Variants in SCUBE1 observed in about 807,000 individuals in gnomAD.
SCUBE1 encodes the protein signal peptide, CUB and EGF-like domain-containing protein 1.
A neutral mutation model predicts 124.4 loss-of-function variants in SCUBE1; 59 were observed. That is an observed-to-expected ratio of 0.47 (90% CI 0.38 to 0.59). The LOEUF is 0.59. SCUBE1 is among the 20% of genes least tolerant of loss of function. SCUBE1 has a pLI of 0.00. For missense variants in SCUBE1, 1,150 were observed against 1,371.2 expected (o/e 0.84, Z 2.55); for synonymous variants, 545 against 550.9 (o/e 0.99, Z 0.15).
chr22:43,269,713 C>A (rs771502354), intron 4 of SCUBE1, among the ~76,000 whole-genome samples: 1 of 152,154 alleles, frequency 6.6e-6, no homozygotes, highest in Non-Finnish European at 1.5e-5. Context: ...GAGCCTGGAG[C>A]CTTGGGGGTG....
intron 2 of SCUBE1, among the ~76,000 whole-genome samples, chr22:43,323,686 T>C (rs1019954854): frequency 6.6e-6 from 1 of 152,138 alleles, no homozygotes; most frequent in African/African-American, 2.4e-5. Context: ...CCCACCTTTC[T>C]ATCCAAACAC....
Position 43,255,329 on chromosome 22 carries a change from A to G in SCUBE1, c.727+2890T>C, listed in dbSNP as rs1244095617. 6.6e-6 allele frequency among the ~76,000 whole-genome samples: 1 copy of G among 152,142 alleles called. No homozygotes were observed. The highest frequency in any genetic ancestry group is 6.5e-5 in the Admixed American group (1 of 15,276). On this transcript the variant is annotated intron_variant, in intron 6 of 21. Coordinates refer to ENST00000360835, the MANE Select transcript of SCUBE1 (RefSeq NM_173050.5). The surrounding 1 kb of genome is among the most constrained non-coding windows in gnomAD (Gnocchi z 4.7). ...CACGCAGGACTGCACACACGTGGGC[A>G]CACCCCACAACACAGACATATGCCC... is the stretch of plus-strand genomic sequence containing the variant.
rs1464922521 is a variant in SCUBE1, at chr22:43,200,070, G to A, written c.*3927C>T. On this transcript the variant is annotated 3_prime_UTR_variant, in exon 22 of 22. Transcript: ENST00000360835. Reference sequence around the variant, plus strand: ...ACGCCTGGGTCCCACCTGACTCCTGGGAAGCTGTGCGGGAGACACCCCGGT... The same window carrying A: ...ACGCCTGGGTCCCACCTGACTCCTGAGAAGCTGTGCGGGAGACACCCCGGT... 6.6e-6 allele frequency: 1 copy of A among 152,280 alleles called. No individual in the cohort carries two copies. The highest frequency in any genetic ancestry group is 6.5e-5 in the Admixed American group (1 of 15,284). 9.4% of individuals were successfully genotyped at this position (152,280 alleles called of 1,614,324 possible).
At chr22:43,245,829 A>G (rs766362144) in intron 6 of SCUBE1, among the ~76,000 whole-genome samples, 1 of 152,204 alleles carries the variant, frequency 6.6e-6, no homozygotes, top group Non-Finnish European at 1.5e-5. Flanking sequence ...AAGGCAAATT[A>G]TTGTCAGTGG....
chr22:43,218,635 T>C (rs1921944984), intron 14 of SCUBE1, among the ~76,000 whole-genome samples, 177 bp from the exon 15 acceptor site: 1 of 152,220 alleles, frequency 6.6e-6, no homozygotes, highest in Admixed American at 6.5e-5. Context: ...ATGAGGAGGC[T>C]GCGGACCTGG....
chr22:43,270,268 T>C (rs1031929956), intron 4 of SCUBE1: 5 of 152,244 alleles, frequency 3.3e-5, no homozygotes, highest in African/African-American at 1.2e-4. Flanking sequence ...GCTACTTCAT[T>C]ATGTATCTGC....
chr22:43,336,045 C>T (rs748441405), intron 2 of SCUBE1, among the ~76,000 whole-genome samples: 5 of 152,118 alleles, frequency 3.3e-5, no homozygotes, highest in Non-Finnish European at 7.4e-5. Flanking sequence ...ATGGTGAAGA[C>T]TTTGCCATCT....
rs755372104 is a variant in SCUBE1 at position 43,229,060 on chromosome 22, C to T, written c.1084+12G>A. The T allele has an allele frequency of 1.9e-5, 30 of 1,597,812 alleles. No homozygotes were observed. Among genetic ancestry groups the T allele is most frequent in the African/African-American group, 2.7e-5 (2 of 74,638 alleles). Reference sequence around the variant, plus strand: ...TCGGGGGGGAGGTGGCCCTGGCGGGCAGGCTGCAGACCTCCGCAGTGGGTT... The same window carrying T: ...TCGGGGGGGAGGTGGCCCTGGCGGGTAGGCTGCAGACCTCCGCAGTGGGTT... On this transcript the variant is annotated intron_variant, in intron 9 of 21. Coordinates refer to ENST00000360835, the MANE Select transcript of SCUBE1 (RefSeq NM_173050.5).
chr22:43,339,023 T>C (rs1601903814), intron 2 of SCUBE1, 81 bp downstream of exon 2: 1 of 1,501,850 alleles, frequency 6.7e-7, no homozygotes, highest in South Asian at 1.1e-5. Context: ...CCCCAGCTGG[T>C]GATGAATGGG....
chr22:43,267,895 T>C (rs911976567), intron 4 of SCUBE1, among the ~76,000 whole-genome samples: 4 of 152,174 alleles, frequency 2.6e-5, no homozygotes, highest in East Asian at 1.9e-4. Context: ...GAGGGCTAAG[T>C]TGAGATTTGA....
At chr22:43,303,922 G>T (rs1026738341) in intron 3 of SCUBE1, among the ~76,000 whole-genome samples, 1 of 152,168 alleles carries the variant, frequency 6.6e-6, no homozygotes, top group African/African-American at 2.4e-5. Flanking sequence ...GAGCTAAAGC[G>T]CCTTCAGTGC....
intron 11 of SCUBE1, 48 bp from the exon 12 acceptor site, chr22:43,222,790 A>G (rs1360230825): frequency 7.1e-7 from 1 of 1,418,248 alleles, no homozygotes; most frequent in East Asian, 2.4e-5. Flanking sequence ...CCTCCCTCCC[A>G]CGGCCCTCAG....
chr22:43,313,235 T>C (rs1025971774), intron 3 of SCUBE1, among the ~76,000 whole-genome samples: 1 of 152,080 alleles, frequency 6.6e-6, no homozygotes, highest in Admixed American at 6.5e-5. Context: ...GTTAATGAAA[T>C]GGAGAGAGCT....
chr22:43,342,166 C>CGGA (rs964782171), intron 1 of SCUBE1, among the ~76,000 whole-genome samples: 5 of 145,518 alleles, frequency 3.4e-5, no homozygotes, highest in Non-Finnish European at 7.4e-5. Flanking sequence ...AGCAGAGCAC[C>CGGA]GGAGGAAGCG....
Position 43,255,643 on chromosome 22 carries a change from A to G in SCUBE1, c.727+2576T>C. On this transcript the variant is annotated intron_variant, in intron 6 of 21. Transcript: ENST00000360835. This position sits in a 1 kb window ranked among gnomAD's most constrained non-coding sequence, Gnocchi z 4.7. The stretch of plus-strand genomic sequence containing the variant: ...ATGACAGCCCACTTCCCGCGGCCCA[A>G]GACAGTCAGCCTCTCGGCGTGGCGC... 7.2e-7 allele frequency: 1 copy of G among 1,381,582 alleles called. No homozygotes were observed. The allele number at this position is 1,381,582 out of a possible 1,614,324, so 85.6% of individuals were successfully genotyped here. A position where few individuals can be genotyped will look rare whatever the true frequency, so the allele number is the denominator to read the frequency against.
intron 16 of SCUBE1, chr22:43,213,424 A>C (rs537786341): frequency 6.6e-6 from 1 of 152,140 alleles, no homozygotes; most frequent in African/African-American, 2.4e-5. Flanking sequence ...CCCCACCCTC[A>C]CAGGCACTGT....
intron 7 of SCUBE1, among the ~76,000 whole-genome samples, chr22:43,233,261 A>G (rs1308493214): frequency 1.3e-5 from 2 of 152,110 alleles, no homozygotes; most frequent in Non-Finnish European, 2.9e-5. Flanking sequence ...CTACCCGGGA[A>G]GCTGAGGCAG....
intron 7 of SCUBE1, among the ~76,000 whole-genome samples, chr22:43,237,412 G>A (rs931177188): frequency 6.6e-6 from 1 of 152,208 alleles, no homozygotes; most frequent in South Asian, 2.1e-4. Context: ...GCAAATGCTG[G>A]CAGGCTGTGC....
At position 43,198,259 on chromosome 22, in the gene SCUBE1, A is replaced by G; in HGVS notation, c.*5738T>C. On this transcript the variant is annotated 3_prime_UTR_variant, in exon 22 of 22. Coordinates refer to ENST00000360835, the MANE Select transcript of SCUBE1 (RefSeq NM_173050.5). ...TCCTGTTGGGGCTTGGGGGGTGCAGACAATTCCAGGGGGCTCACTCAGGGG... is the reference window on the plus strand; with the variant it reads ...TCCTGTTGGGGCTTGGGGGGTGCAGGCAATTCCAGGGGGCTCACTCAGGGG... 1 of 300,668 alleles carries G rather than the reference A, an allele frequency of 3.3e-6. No homozygotes were observed. Among genetic ancestry groups the G allele is most frequent in the Non-Finnish European group, 6.6e-6 (1 of 150,942 alleles). 18.6% of individuals were successfully genotyped at this position (300,668 alleles called of 1,614,324 possible).
Sources: allele counts gnomAD v4.1 joint callset (sites outside exome capture counted in the v4.1 genomes callset), GRCh38; gene constraint gnomAD v4.1.1; non-coding constraint Gnocchi (gnomAD v3.1); transcripts MANE v1.5; gene names NCBI Gene and HGNC (gene_info 2026-07-23, HGNC 2026-07-21).